PLEKHM3: variants seen among roughly 807,000 people sequenced by gnomAD.
PLEKHM3 encodes pleckstrin homology domain-containing family M member 3.
PLEKHM3 carries 45 observed loss-of-function variants against 81.8 expected under a neutral mutation model. The observed-to-expected ratio is 0.55, with a 90% CI of 0.43 to 0.71. The LOEUF is 0.71. PLEKHM3 is among the 30% of genes least tolerant of loss of function. The probability of loss-of-function intolerance (pLI) is 0.00; values close to 1 mark genes in which losing one functional copy is unlikely to be tolerated. For synonymous variants in PLEKHM3, 352 were observed against 356.4 expected, an observed-to-expected ratio of 0.99 and a Z score of 0.14; for missense variants, 788 against 924.3, an observed-to-expected ratio of 0.85 and a Z score of 1.91.
chr2:207,940,286 T>C (rs1266124945), intron 4 of PLEKHM3, among the ~76,000 whole-genome samples: 1 of 152,220 alleles, frequency 6.6e-6, no homozygotes, highest in Non-Finnish European at 1.5e-5. Flanking sequence ...CTAAGTGCTT[T>C]TCTTATATTA....
chr2:207,932,293 G>C (rs1408179152), intron 4 of PLEKHM3, among the ~76,000 whole-genome samples: 1 of 152,166 alleles, frequency 6.6e-6, no homozygotes, highest in African/African-American at 2.4e-5. Flanking sequence ...GATACAGAGG[G>C]AGTGGCTTAA....
At position 207,977,558 on chromosome 2, in the gene PLEKHM3, T is replaced by A; in HGVS notation, c.639A>T (p.Leu213=). 1 of 1,610,936 alleles carries A rather than the reference T, an allele frequency of 6.2e-7. No homozygotes were observed. Among genetic ancestry groups the A allele is most frequent in the East Asian group, 2.2e-5 (1 of 44,870 alleles). Residue 213 remains leucine, a synonymous_variant, in exon 3 of 8, where the codon CTA becomes CTT. Coordinates refer to ENST00000427836, the MANE Select transcript of PLEKHM3 (RefSeq NM_001080475.3). ...TTCTAATCTCCAGGTAACCCTTCTTTAGAATGTTTGGGAATGTCTGCTTGT... is the reference window on the plus strand; with the variant it reads ...TTCTAATCTCCAGGTAACCCTTCTTAAGAATGTTTGGGAATGTCTGCTTGT... ...TEHKQTFPNI[L]KKGYLEIRKD... is the part of the protein sequence containing the mutation.
In PLEKHM3 at chr2:207,880,559, C is replaced by G. The variant is rs375459294; in HGVS notation, c.1951-19297G>C. ...CGGGCGGATCACGAGGTCAGGAGATCGAGACCATCTTGGCTAACACGGTGA... is the reference window on the plus strand; with the variant it reads ...CGGGCGGATCACGAGGTCAGGAGATGGAGACCATCTTGGCTAACACGGTGA... On this transcript the variant is annotated intron_variant, in intron 6 of 7. Transcript: ENST00000427836. Among the ~76,000 whole-genome samples, 434 of 149,958 alleles carry G rather than the reference C, an allele frequency of 2.9e-3. 2 individuals carry two copies. Among genetic ancestry groups the G allele is most frequent in the African/African-American group, 0.01 (412 of 40,958 alleles).
chr2:207,954,380 A>G (rs1690436582), intron 3 of PLEKHM3, among the ~76,000 whole-genome samples: 2 of 152,162 alleles, frequency 1.3e-5, no homozygotes, highest in South Asian at 2.1e-4. Flanking sequence ...ACACAACAAT[A>G]TGGCAAATAT....
intron 4 of PLEKHM3, among the ~76,000 whole-genome samples, chr2:207,938,979 A>ATT (rs1230173084): frequency 6.6e-6 from 1 of 151,844 alleles, no homozygotes; most frequent in Admixed American, 6.6e-5. Flanking sequence ...TTGCCTTTTC[A>ATT]TTTTTCTTAT....
intron 7 of PLEKHM3, among the ~76,000 whole-genome samples, chr2:207,836,698 G>A (rs987443343): frequency 2.6e-5 from 4 of 152,214 alleles, no homozygotes; most frequent in African/African-American, 9.6e-5. Context: ...ACACAGGGAG[G>A]TCACAGGAAA....
At chr2:207,957,897 GCAGA>G (rs1690573842) in intron 3 of PLEKHM3, among the ~76,000 whole-genome samples, 1 of 152,182 alleles carries the variant, frequency 6.6e-6, no homozygotes, top group Non-Finnish European at 1.5e-5. Flanking sequence ...TGTAATGTCT[GCAGA>G]CATTTTTGGT....
At chr2:207,933,396 T>C (rs1415593088) in intron 4 of PLEKHM3, among the ~76,000 whole-genome samples, 1 of 152,238 alleles carries the variant, frequency 6.6e-6, no homozygotes, top group Non-Finnish European at 1.5e-5. Context: ...ATTTGTGATA[T>C]TTAAATATCT....
intron 4 of PLEKHM3, among the ~76,000 whole-genome samples, chr2:207,944,708 A>G (rs1211232597): frequency 1.3e-5 from 2 of 152,164 alleles, no homozygotes; most frequent in Admixed American, 1.3e-4. Context: ...ACTGGCCCCT[A>G]TGGCTGCAGA....
At chr2:207,859,109 G>T (rs1220991811) in intron 7 of PLEKHM3, among the ~76,000 whole-genome samples, 1 of 150,692 alleles carries the variant, frequency 6.6e-6, no homozygotes, top group Non-Finnish European at 1.5e-5. Flanking sequence ...ACATGTTGCA[G>T]CATGTATCAG....
chr2:207,866,004 C>G (rs1364213787), intron 6 of PLEKHM3, among the ~76,000 whole-genome samples: 2 of 150,808 alleles, frequency 1.3e-5, no homozygotes, highest in African/African-American at 4.9e-5. Flanking sequence ...TCCACCCTGC[C>G]CTAGACTTTT....
chr2:208,000,638 G>A (rs901781366), intron 2 of PLEKHM3, among the ~76,000 whole-genome samples: 2 of 152,154 alleles, frequency 1.3e-5, no homozygotes, highest in African/African-American at 4.8e-5. Flanking sequence ...TCCTAGCATA[G>A]GCTCAGCCCA....
intron 6 of PLEKHM3, among the ~76,000 whole-genome samples, chr2:207,888,039 T>C (rs1359594528): frequency 1.3e-5 from 2 of 152,088 alleles, no homozygotes; most frequent in East Asian, 3.9e-4. Flanking sequence ...GTAGGACAGT[T>C]TCTTCCATCT....
chr2:207,869,677 C>T (rs1303268590), intron 6 of PLEKHM3: 6 of 152,148 alleles, frequency 3.9e-5, no homozygotes, highest in African/African-American at 1.4e-4. Context: ...CCAGATTTTG[C>T]TATTTTTCCA....
intron 7 of PLEKHM3, among the ~76,000 whole-genome samples, chr2:207,838,052 G>A (rs2092330630): frequency 6.6e-6 from 1 of 151,976 alleles, no homozygotes; most frequent in South Asian, 2.1e-4. Context: ...GATTACAGGC[G>A]TGAGCCACCG....
At chr2:208,014,797 C>G (rs1200674792) in intron 1 of PLEKHM3, among the ~76,000 whole-genome samples, 1 of 152,160 alleles carries the variant, frequency 6.6e-6, no homozygotes, top group African/African-American at 2.4e-5. Flanking sequence ...GAGTTGAATT[C>G]TGGGGCTCTG....
intron 6 of PLEKHM3, among the ~76,000 whole-genome samples, chr2:207,901,539 G>A (rs1279780917): frequency 6.6e-6 from 1 of 152,160 alleles, no homozygotes; most frequent in Non-Finnish European, 1.5e-5. Flanking sequence ...CTCCCTGTAC[G>A]ATGTGAAACA....
At chr2:207,862,417 GC>G (rs11350785) in intron 6 of PLEKHM3, among the ~76,000 whole-genome samples, 24,397 of 152,016 alleles carry the variant, frequency 0.16, 2,240 homozygotes, top group East Asian at 0.25. Context: ...CAGACAGATT[GC>G]CTGAGGTTAG....
At chr2:207,875,912 CTGTTAT>C (rs1195450728) in intron 6 of PLEKHM3, among the ~76,000 whole-genome samples, 1 of 152,202 alleles carries the variant, frequency 6.6e-6, no homozygotes, top group Non-Finnish European at 1.5e-5. Flanking sequence ...TAAGATAACT[CTGTTAT>C]GCAGCCAGTA....
Sources: gnomAD v4.1 joint callset for allele counts (sites outside exome capture counted in the v4.1 genomes callset) on GRCh38, gnomAD v4.1.1 for gene constraint, MANE v1.5 for transcripts, NCBI Gene and HGNC (gene_info 2026-07-23, HGNC 2026-07-21) for gene names.